ERGIC3: variants seen among roughly 807,000 people sequenced by gnomAD.
ERGIC3 encodes endoplasmic reticulum-Golgi intermediate compartment protein 3.
A neutral mutation model predicts 54.7 loss-of-function variants in ERGIC3; 33 were observed. The ratio of observed to expected loss-of-function variants is 0.60; its 90% CI spans 0.46 to 0.81. The LOEUF is 0.81. Among genes scored for constraint, ERGIC3 ranks in the 30% least tolerant of loss-of-function variants. The probability of loss-of-function intolerance (pLI) is 0.00; values close to 1 mark genes in which losing one functional copy is unlikely to be tolerated. For synonymous variants in ERGIC3, 186 were observed against 189.8 expected, an observed-to-expected ratio of 0.98 and a Z score of 0.16; for missense variants, 399 against 488.4, an observed-to-expected ratio of 0.82 and a Z score of 1.73.
In ERGIC3 at chr20:35,542,554, A is replaced by G; in HGVS notation, c.201A>G (p.Lys67=). ...ELYVDKSRGD[K]LKINIDVLFP... is the part of the protein sequence containing the mutation. ...ACGTGGACAAGTCGCGGGGAGATAA[A>G]CTGAAGATCAACATCGATGTACTTT... The change falls in exon 3 of 13, where the codon AAA becomes AAG. Residue 67 remains lysine, a synonymous_variant. Coordinates refer to ENST00000348547, the MANE Select transcript of ERGIC3 (RefSeq NM_015966.3). The G allele has an allele frequency of 6.2e-7, 1 of 1,613,862 alleles. No individual in the cohort carries two copies. Among genetic ancestry groups the G allele is most frequent in the Non-Finnish European group, 8.5e-7 (1 of 1,179,976 alleles).
chr20:35,549,029 C>A, intron 7 of ERGIC3, 164 bp downstream of exon 7: 1 of 773,372 alleles, frequency 1.3e-6, no homozygotes, highest in East Asian at 2.7e-5. Context: ...AGAGCACAGG[C>A]CGAGGAGCCA....
rs771082191 is a variant in ERGIC3 at position 35,543,022 on chromosome 20, G to A, written c.367+81G>A. 48 of 1,597,124 alleles carry A rather than the reference G, an allele frequency of 3.0e-5. No individual in the cohort carries two copies. The Admixed American group carries it at 7.7e-4, about 26-fold the overall frequency. ...ATCTGCTAGCAAGTGAACTGTGGCA[G>A]GCATAGTGATACATTAAACAACTAA... On this transcript the variant is annotated intron_variant, in intron 4 of 12. Transcript: ENST00000348547.
At chr20:35,552,755 A>G (rs2064687955) in intron 7 of ERGIC3, among the ~76,000 whole-genome samples, 1 of 152,162 alleles carries the variant, frequency 6.6e-6, no homozygotes, top group Non-Finnish European at 1.5e-5. Context: ...GGGAATGGCC[A>G]ACAGAGCAAG....
At chr20:35,548,409 C>A in intron 5 of ERGIC3, 100 bp from the exon 6 acceptor site, 1 of 1,290,854 alleles carries the variant, frequency 7.7e-7, no homozygotes, top group Non-Finnish European at 1.1e-6. Context: ...GCTAGCAGAG[C>A]CTTCATTAGC....
chr20:35,542,544 G>A lies in ERGIC3; in HGVS notation c.191G>A (p.Arg64Gln). ...VHPELYVDKS[R>Q]GDKLKINIDV... ...CCTGAGCTCTACGTGGACAAGTCGC[G>A]GGGAGATAAACTGAAGATCAACATC... Residue 64 changes from arginine (R) to glutamine (Q), a missense_variant, in exon 3 of 13, where the codon CGG becomes CAG. Physicochemically the swap from Arg to Gln is conservative, Grantham distance 43. Coordinates refer to ENST00000348547, the MANE Select transcript of ERGIC3 (RefSeq NM_015966.3). The A allele has an allele frequency of 6.2e-7, 1 of 1,613,936 alleles. No homozygotes were observed. Among genetic ancestry groups the A allele is most frequent in the Non-Finnish European group, 8.5e-7 (1 of 1,179,998 alleles).
chr20:35,556,422 C>G (rs764394913), intron 10 of ERGIC3, 151 bp downstream of exon 10: 1 of 827,944 alleles, frequency 1.2e-6, no homozygotes, highest in African/African-American at 1.7e-5. Flanking sequence ...GGGATTTGCC[C>G]TCCCAGGCAG....
chr20:35,554,302 T>G, intron 7 of ERGIC3: 1 of 1,594,316 alleles, frequency 6.3e-7, no homozygotes, highest in Non-Finnish European at 8.6e-7. Flanking sequence ...CTGCAACATA[T>G]CTTGCTCTCA....
At chr20:35,543,233 G>A (rs2064627668) in intron 4 of ERGIC3, 2 of 378,740 alleles carry the variant, frequency 5.3e-6, no homozygotes, top group Non-Finnish European at 1.0e-5. Flanking sequence ...CTCTTGCCTT[G>A]GTAGAACTGT....
chr20:35,555,990 G>C (rs901026232), intron 8 of ERGIC3, 43 bp from the exon 9 acceptor site: 1 of 1,589,972 alleles, frequency 6.3e-7, no homozygotes, highest in African/African-American at 1.3e-5. Flanking sequence ...GTCTGCTACT[G>C]TCATCAGAGC....
chr20:35,542,398 GGGGCGGGGCTTAGTGCGT>G lies in ERGIC3; in HGVS notation c.159+17_159+34del. On this transcript the variant is annotated splice_donor_region_variant and intron_variant, in intron 2 of 12. Coordinates refer to ENST00000348547, the MANE Select transcript of ERGIC3 (RefSeq NM_015966.3). Reference sequence around the variant, plus strand: ...CAGTATTACCTCACCACGGAGGTAAGGGGCGGGGCTTAGTGCGTGGGCGGGGCTTGGCATTCTAGGAGT... The same window carrying G: ...CAGTATTACCTCACCACGGAGGTAAGGGGCGGGGCTTGGCATTCTAGGAGT... The G allele has an allele frequency of 6.2e-7, 1 of 1,613,990 alleles. No homozygotes were observed. The highest frequency in any genetic ancestry group is 8.5e-7 in the Non-Finnish European group (1 of 1,180,002).
intron 4 of ERGIC3, chr20:35,544,788 T>C (rs917964145): frequency 7.3e-6 from 1 of 137,586 alleles, no homozygotes; most frequent in Admixed American, 7.5e-5. Flanking sequence ...GAAGGGCTGG[T>C]GCCACGCGGG....
At chr20:35,546,329 G>A (rs1442493172) in intron 4 of ERGIC3, among the ~76,000 whole-genome samples, 5 of 152,250 alleles carry the variant, frequency 3.3e-5, no homozygotes, top group African/African-American at 1.2e-4. Context: ...AGAAAGTGGT[G>A]AGATGGTGGG....
Sources: gnomAD v4.1 joint callset for allele counts (sites outside exome capture counted in the v4.1 genomes callset) on GRCh38, gnomAD v4.1.1 for gene constraint, MANE v1.5 for transcripts, NCBI Gene and HGNC (gene_info 2026-07-23, HGNC 2026-07-21) for gene names.